The following CCDC47 variants were observed in gnomAD, a reference collection of about 807,000 sequenced individuals.
CCDC47 encodes PAT complex subunit CCDC47.
CCDC47 carries 41 observed loss-of-function variants against 60.5 expected under a neutral mutation model. That is an observed-to-expected ratio of 0.68 (90% CI 0.53 to 0.88). The LOEUF is 0.88. Among genes scored for constraint, CCDC47 ranks in the 40% least tolerant of loss-of-function variants. CCDC47 has a pLI of 0.00. For missense variants in CCDC47, 513 were observed against 580.9 expected (o/e 0.88, Z 1.20); for synonymous variants, 195 against 190.7 (o/e 1.02, Z -0.18).
chr17:63,747,070 G>T, intron 12 of CCDC47, 109 bp from the exon 13 acceptor site: 1 of 1,466,134 alleles, frequency 6.8e-7, no homozygotes, highest in Non-Finnish European at 9.0e-7. Flanking sequence ...ACTGCCTATA[G>T]TATTATTCAA....
chr17:63,747,033 ATGTT>A, intron 12 of CCDC47, 72 bp from the exon 13 acceptor site: 1 of 1,559,022 alleles, frequency 6.4e-7, no homozygotes, highest in Admixed American at 2.0e-5. Context: ...CTTGAAACAT[ATGTT>A]AAAAAAAAAT....
chr17:63,761,143 G>A (rs2039256024), intron 5 of CCDC47, 87 bp downstream of exon 5: 3 of 1,531,140 alleles, frequency 2.0e-6, no homozygotes, highest in East Asian at 2.2e-5. Flanking sequence ...AAACATGAAG[G>A]GATAAGATGC....
chr17:63,769,263 A>G (rs529354065), intron 1 of CCDC47, among the ~76,000 whole-genome samples: 2 of 150,918 alleles, frequency 1.3e-5, no homozygotes, highest in Non-Finnish European at 2.9e-5. Flanking sequence ...AAAAAAAAAA[A>G]CAAAATGTTA....
At chr17:63,767,762 C>T (rs936994805) in intron 1 of CCDC47, among the ~76,000 whole-genome samples, 1 of 152,068 alleles carries the variant, frequency 6.6e-6, no homozygotes, top group African/African-American at 2.4e-5. Context: ...ACTTCACAGG[C>T]CTCCCCTCAG....
intron 4 of CCDC47, 166 bp from the exon 5 acceptor site, chr17:63,761,517 T>TG (rs572243179): frequency 2.6e-5 from 5 of 192,286 alleles, no homozygotes; most frequent in Non-Finnish European, 3.7e-5. Context: ...CTGTCCCTAC[T>TG]AAAAAAAAAA....
Position 63,756,288 on chromosome 17 carries a change from G to A in CCDC47, c.900C>T (p.Ala300=), listed in dbSNP as rs191069932. The A allele has an allele frequency of 1.9e-6, 3 of 1,614,094 alleles. No individual in the cohort carries two copies. The African/African-American group carries it at 4.0e-5, about 22-fold the overall frequency. The change falls in exon 8 of 13, where the codon GCC becomes GCT. Residue 300 remains alanine, a synonymous_variant. Transcript: ENST00000225726. ...GAKYGLPDSL[A]ILSEMGEVTD... ...TGACTTCTCCCATCTCTGACAGGAT[G>A]GCCAAAGAGTCCGGCAGTCCATACT...
intron 1 of CCDC47, among the ~76,000 whole-genome samples, chr17:63,768,682 A>T (rs1453149328): frequency 6.6e-6 from 1 of 152,170 alleles, no homozygotes; most frequent in Non-Finnish European, 1.5e-5. Context: ...TGACAGTGAA[A>T]CGTGCCTCAA....
intron 9 of CCDC47, chr17:63,753,490 A>G (rs1283412182): frequency 7.4e-6 from 2 of 269,418 alleles, no homozygotes; most frequent in African/African-American, 4.6e-5. Context: ...AATTGTGCTC[A>G]ACTCCACAGC....
rs2144477034 is a variant in CCDC47, at chr17:63,754,537, T to C, written c.949-19A>G. 4 of 1,536,024 alleles carry C rather than the reference T, an allele frequency of 2.6e-6. 1 individual carries two copies. The highest frequency in any genetic ancestry group is 4.5e-4 in the Middle Eastern group (2 of 4,396). On this transcript the variant is annotated intron_variant, in intron 8 of 12. Coordinates refer to ENST00000225726, the MANE Select transcript of CCDC47 (RefSeq NM_020198.3). Reference sequence around the variant, plus strand: ...GAACCATCTGAAAAAAAGAAAATAATATTTTTTAAAAGCAAGGTTTAATGC... The same window carrying C: ...GAACCATCTGAAAAAAAGAAAATAACATTTTTTAAAAGCAAGGTTTAATGC...
At chr17:63,750,639 C>T (rs1209325787) in intron 12 of CCDC47, among the ~76,000 whole-genome samples, 1 of 151,896 alleles carries the variant, frequency 6.6e-6, no homozygotes, top group Non-Finnish European at 1.5e-5. Flanking sequence ...GGCTGGAGTG[C>T]AGTGGCTCGA....
rs867067626 is a variant in CCDC47 at position 63,759,533 on chromosome 17, A to T, written c.735+1381T>A. Among the ~76,000 whole-genome samples the T allele has an allele frequency of 4.2e-4, 11 of 26,222 alleles. 1 individual carries two copies. Among genetic ancestry groups the T allele is most frequent in the East Asian group, 2.8e-3 (2 of 714 alleles). The allele number at this position is 26,222 out of a possible 152,430, so 17.2% of individuals were successfully genotyped here. A position where few individuals can be genotyped will look rare whatever the true frequency, so the allele number is the denominator to read the frequency against. ...AATATATATATATATATATTTATAT[A>T]TATATATATATATATATATATATAT... On this transcript the variant is annotated intron_variant, in intron 6 of 12. Coordinates refer to ENST00000225726, the MANE Select transcript of CCDC47 (RefSeq NM_020198.3).
chr17:63,757,331 C>T (rs1717892763), intron 6 of CCDC47, among the ~76,000 whole-genome samples: 1 of 149,822 alleles, frequency 6.7e-6, no homozygotes, highest in Non-Finnish European at 1.5e-5. Context: ...GATGATCGTG[C>T]ACTCCATGCT....
intron 6 of CCDC47, among the ~76,000 whole-genome samples, chr17:63,760,062 C>CAA (rs10643408): frequency 0.62 from 61,114 of 98,100 alleles, 18,136 homozygotes; most frequent in South Asian, 0.71. Context: ...GACTCCGTCT[C>CAA]AAAAAAAAAA....
chr17:63,746,773 C>G lies in CCDC47; in HGVS notation c.*108G>C. 1.2e-6 allele frequency: 1 copy of G among 847,562 alleles called. No homozygotes were observed. Among genetic ancestry groups the G allele is most frequent in the Non-Finnish European group, 2.0e-6 (1 of 507,314 alleles). The allele number at this position is 847,562 out of a possible 1,614,324, so 52.5% of individuals were successfully genotyped here. On this transcript the variant is annotated 3_prime_UTR_variant, in exon 13 of 13. Transcript: ENST00000225726. ...TGATGAAATAAGGATTTCTCAGTTGCCCAAGACTGTCTGAAATTTAAGGTT... is the reference window on the plus strand; with the variant it reads ...TGATGAAATAAGGATTTCTCAGTTGGCCAAGACTGTCTGAAATTTAAGGTT...
At chr17:63,752,912 T>C in intron 9 of CCDC47, 113 bp from the exon 10 acceptor site, 1 of 1,425,156 alleles carries the variant, frequency 7.0e-7, no homozygotes, top group South Asian at 1.4e-5. Context: ...CAGCACAGTA[T>C]TTGGCTTGGC....
At chr17:63,760,423 T>C (rs562550352) in intron 6 of CCDC47, among the ~76,000 whole-genome samples, 78 of 152,278 alleles carry the variant, frequency 5.1e-4, no homozygotes, top group Admixed American at 1.6e-3. Context: ...CCCCTGACAG[T>C]TGCACAGAGT....
chr17:63,749,733 G>C (rs1363361616), intron 12 of CCDC47, among the ~76,000 whole-genome samples: 1 of 150,886 alleles, frequency 6.6e-6, no homozygotes, highest in East Asian at 1.9e-4. Flanking sequence ...TGGTGAAAGA[G>C]CGAGACTCTG....
At chr17:63,752,189 AACT>A in intron 11 of CCDC47, 82 bp from the exon 12 acceptor site, 1 of 1,518,998 alleles carries the variant, frequency 6.6e-7, no homozygotes, top group South Asian at 1.2e-5. Flanking sequence ...TCTTTCATAA[AACT>A]ACTCCCATTT....
chr17:63,752,272 GA>G (rs761512485), intron 11 of CCDC47, 47 bp downstream of exon 11: 2 of 1,486,714 alleles, frequency 1.3e-6, no homozygotes, highest in East Asian at 4.5e-5. Flanking sequence ...CCCTTGAGAA[GA>G]AACAAAAAAA....
Sources: allele counts gnomAD v4.1 joint callset (sites outside exome capture counted in the v4.1 genomes callset), GRCh38; gene constraint gnomAD v4.1.1; transcripts MANE v1.5; gene names NCBI Gene and HGNC (gene_info 2026-07-23, HGNC 2026-07-21).